FAAH2: variants seen among roughly 807,000 people sequenced by gnomAD.
The protein encoded by FAAH2 is fatty acid amide hydrolase 2.
In FAAH2, 60 loss-of-function variants were observed where a neutral mutation model predicts 36.9. The ratio of observed to expected loss-of-function variants is 1.63; its 90% CI spans 1.32 to 2.02. The LOEUF is 2.02. Ranked by LOEUF, FAAH2 falls within the 30% of genes most tolerant of loss-of-function variation. The pLI, the probability that FAAH2 is intolerant of heterozygous loss-of-function variation, is 0.00. For synonymous variants in FAAH2, 214 were observed against 143.8 expected (o/e 1.49, Z -3.49); for missense variants, 689 against 397.5 (o/e 1.73, Z -6.23).
chrX:57,174,210 ATT>A, the FAAH2 span, among the ~76,000 whole-genome samples: 1 of 101,401 alleles, frequency 9.9e-6, no homozygotes, highest in Non-Finnish European at 2.0e-5. Flanking sequence ...TAGCCCCGAG[ATT>A]TTTTTTTTTT....
At chrX:57,420,124 T>A (rs1170189409) in intron 7 of FAAH2, among the ~76,000 whole-genome samples, 1 of 111,903 alleles carries the variant, frequency 8.9e-6, no homozygotes, top group African/African-American at 3.2e-5. Flanking sequence ...TACTGTAGCC[T>A]TGTAGTGTAG....
At chrX:57,243,953 G>A in the FAAH2 span, among the ~76,000 whole-genome samples, 3,121 of 108,799 alleles carry the variant, frequency 0.029, 63 homozygotes, top group Non-Finnish European at 0.048. Flanking sequence ...ACTCCTCTGG[G>A]CTAAAGGAGC....
chrX:57,220,253 A>G, the FAAH2 span, among the ~76,000 whole-genome samples: 1 of 107,965 alleles, frequency 9.3e-6, no homozygotes, highest in Non-Finnish European at 1.9e-5. Context: ...CTCAGCTGCC[A>G]TCTTCCCAGT....
At chrX:57,274,857 G>A in the FAAH2 span, among the ~76,000 whole-genome samples, 8 of 111,927 alleles carry the variant, frequency 7.1e-5, no homozygotes, top group Non-Finnish European at 1.5e-4. Flanking sequence ...AGACAAGGAT[G>A]CCTCTCTCAT....
chrX:57,162,076 C>T, the FAAH2 span, among the ~76,000 whole-genome samples: 4 of 111,402 alleles, frequency 3.6e-5, no homozygotes, highest in Non-Finnish European at 7.5e-5. Flanking sequence ...AATCTCTCAG[C>T]ATTTGCTTGT....
Position 57,292,485 on chromosome X carries a change from T to C in FAAH2, c.193-13T>C, listed in dbSNP as rs771941751. On this transcript the variant is annotated splice_polypyrimidine_tract_variant and intron_variant, in intron 1 of 10. Coordinates refer to ENST00000374900, the MANE Select transcript of FAAH2 (RefSeq NM_174912.4). ...GAATAAATGGCTGCTGACTAAAGTA[T>C]TGTATTTTGCAGGTGAAATGTATAG... The C allele has an allele frequency of 1.7e-6, 2 of 1,193,077 alleles. No individual in the cohort carries two copies. Among genetic ancestry groups the C allele is most frequent in the East Asian group, 6.0e-5 (2 of 33,561 alleles).
chrX:57,152,917 C>A, the FAAH2 span, among the ~76,000 whole-genome samples: 3 of 110,336 alleles, frequency 2.7e-5, no homozygotes, highest in Non-Finnish European at 5.7e-5. Flanking sequence ...GGCTCCCCCC[C>A]CGCTGACCTC....
At chrX:57,391,164 T>G (rs915294147) in intron 7 of FAAH2, among the ~76,000 whole-genome samples, 9 of 111,330 alleles carry the variant, frequency 8.1e-5, no homozygotes, top group Non-Finnish European at 1.7e-4. Context: ...TGCTCACTTT[T>G]TAATGGGGTT....
intron 1 of FAAH2, among the ~76,000 whole-genome samples, chrX:57,290,687 T>C (rs2051951325): frequency 9.0e-6 from 1 of 111,650 alleles, no homozygotes; most frequent in Admixed American, 9.6e-5. Flanking sequence ...TGTTATTAAA[T>C]TTTATCTTGA....
the FAAH2 span, among the ~76,000 whole-genome samples, chrX:57,201,484 T>C: frequency 6.4e-3 from 712 of 111,389 alleles, 4 homozygotes; most frequent in African/African-American, 0.022. Flanking sequence ...CTCCTTTGTA[T>C]ATTACTGGTT....
chrX:57,231,389 G>A, the FAAH2 span, among the ~76,000 whole-genome samples: 1 of 110,676 alleles, frequency 9.0e-6, no homozygotes, highest in South Asian at 3.8e-4. Context: ...AGAAAAATAG[G>A]TTCCATGTTC....
intron 3 of FAAH2, among the ~76,000 whole-genome samples, chrX:57,317,942 TA>T (rs1392147630): frequency 9.0e-6 from 1 of 111,500 alleles, no homozygotes; most frequent in Non-Finnish European, 1.9e-5. Context: ...AAGGCAGAAA[TA>T]AACATGTTAT....
intron 8 of FAAH2, among the ~76,000 whole-genome samples, chrX:57,437,520 A>T (rs189914538): frequency 1.8e-5 from 2 of 109,871 alleles, no homozygotes; most frequent in Non-Finnish European, 1.9e-5. Flanking sequence ...TTGATAAAAG[A>T]ATTCAGTAAA....
intron 1 of FAAH2, among the ~76,000 whole-genome samples, chrX:57,289,754 TG>T (rs1430406249): frequency 1.8e-5 from 2 of 111,396 alleles, no homozygotes; most frequent in African/African-American, 6.5e-5. Flanking sequence ...TTCTGAATTA[TG>T]TTACGTGGTA....
intron 4 of FAAH2, among the ~76,000 whole-genome samples, chrX:57,336,758 G>A (rs1416796408): frequency 9.0e-6 from 1 of 111,397 alleles, no homozygotes; most frequent in Non-Finnish European, 1.9e-5. Flanking sequence ...TGTTTAGAGG[G>A]AAATTTATAG....
intron 4 of FAAH2, among the ~76,000 whole-genome samples, chrX:57,337,181 C>T (rs1440531810): frequency 1.9e-5 from 2 of 105,868 alleles, no homozygotes; most frequent in African/African-American, 7.0e-5. Context: ...ATACACTTTC[C>T]CAAGACCGAA....
intron 7 of FAAH2, among the ~76,000 whole-genome samples, chrX:57,383,351 A>C (rs1290500079): frequency 8.9e-6 from 1 of 111,799 alleles, no homozygotes; most frequent in African/African-American, 3.3e-5. Context: ...GAAGGAAATA[A>C]AGGGTTTTCA....
chrX:57,443,931 A>G (rs964669410), intron 8 of FAAH2, among the ~76,000 whole-genome samples: 12 of 112,014 alleles, frequency 1.1e-4, no homozygotes, highest in African/African-American at 3.9e-4. Flanking sequence ...AACAGCAAAT[A>G]TTGCAGAATG....
the FAAH2 span, among the ~76,000 whole-genome samples, chrX:57,170,649 C>G: frequency 1.1e-4 from 12 of 106,604 alleles, no homozygotes; most frequent in Non-Finnish European, 2.3e-4. Flanking sequence ...TTTTGCAAAC[C>G]TGTGGTGTAG....
Sources: gnomAD v4.1 joint callset for allele counts (sites outside exome capture counted in the v4.1 genomes callset) on GRCh38, gnomAD v4.1.1 for gene constraint, MANE v1.5 for transcripts, NCBI Gene and HGNC (gene_info 2026-07-23, HGNC 2026-07-21) for gene names.